FLNA: variants seen among roughly 807,000 people sequenced by gnomAD.
FLNA encodes the protein filamin A, also known as filamin-A.
In FLNA, 7 loss-of-function variants were observed where a neutral mutation model predicts 157.6. The observed-to-expected ratio is 0.04, with a 90% CI of 0.03 to 0.08. The LOEUF is 0.08. FLNA is among the 10% of genes least tolerant of loss of function. The pLI, the probability that FLNA is intolerant of heterozygous loss-of-function variation, is 1.00. For missense variants in FLNA, 1,750 were observed against 2,398.4 expected (o/e 0.73, Z 5.65); for synonymous variants, 1,103 against 1,060.8 (o/e 1.04, Z -0.77).
At chrX:154,360,756 A>G (rs781831457) in intron 21 of FLNA, among the ~76,000 whole-genome samples, 169 bp from the exon 22 acceptor site, 14 of 112,052 alleles carry the variant, frequency 1.2e-4, no homozygotes, top group South Asian at 3.7e-4. Flanking sequence ...TCATAAGGAC[A>G]AAAAGGAGGG....
In FLNA at chrX:154,350,141, C is replaced by A. The variant is rs1299563181; in HGVS notation, c.7223G>T (p.Gly2408Val). 2.5e-6 allele frequency: 3 copies of A among 1,209,918 alleles called. No individual in the cohort carries two copies. Among genetic ancestry groups the A allele is most frequent in the Non-Finnish European group, 2.2e-6 (2 of 894,557 alleles). ...GVYLIDVKFN[G>V]THIPGSPFKI... ...GAAGGGGCTTCCAGGGATGTGGGTG[C>A]CGTTGAACTTGACGTCAATCAGGTA... The change falls in exon 45 of 48, where the codon GGC becomes GTC. Residue 2408 changes from glycine (G) to valine (V), a missense_variant. Around this residue, in one of 5 missense-constraint regions of FLNA, gnomAD observed 970 missense variants for 1,302.6 expected, o/e 0.74. Coordinates refer to ENST00000369850, the MANE Select transcript of FLNA (RefSeq NM_001110556.2).
At chrX:154,362,886 TG>T (rs1407268148) in intron 15 of FLNA, 102 bp from the exon 16 acceptor site, 1 of 959,998 alleles carries the variant, frequency 1.0e-6, no homozygotes, top group Non-Finnish European at 1.4e-6. Flanking sequence ...CCAGCTGCCT[TG>T]GGAAGAGTCT....
At chrX:154,360,822 G>A (rs1300451624) in intron 21 of FLNA, among the ~76,000 whole-genome samples, 2 of 110,181 alleles carry the variant, frequency 1.8e-5, no homozygotes, top group Non-Finnish European at 3.8e-5. Context: ...CAAGGTGGGT[G>A]GATCACCTGA....
rs782454177 is a variant in FLNA at position 154,362,673 on chromosome X, C to T, written c.2392G>A (p.Glu798Lys). The part of the protein sequence containing the change: ...EPTYFTVDCA[E>K]AGQGDVSIGI... ...AGCCAGGCCTTACCCTGGCCAGCCT[C>T]GGCGCAGTCCACAGTGAAGTAGGTG... is the stretch of plus-strand genomic sequence containing the variant. The change falls in exon 16 of 48, where the codon GAG (glutamate) becomes AAG (lysine). Residue 798 changes from glutamate (E) to lysine (K), a missense_variant. Physicochemically the swap from Glu to Lys is moderately conservative, Grantham distance 56. Around this residue, in one of 5 missense-constraint regions of FLNA, gnomAD observed 648 missense variants for 805.8 expected, o/e 0.80. Coordinates refer to ENST00000369850, the MANE Select transcript of FLNA (RefSeq NM_001110556.2). 5.8e-6 allele frequency: 7 copies of T among 1,209,588 alleles called. No homozygotes were observed. Among genetic ancestry groups the T allele is most frequent in the African/African-American group, 3.5e-5 (2 of 57,335 alleles).
At chrX:154,373,219 A>G (rs919832860) in intron 1 of FLNA, among the ~76,000 whole-genome samples, 15 of 111,938 alleles carry the variant, frequency 1.3e-4, no homozygotes, top group Non-Finnish European at 2.5e-4. Flanking sequence ...GTTCCCAGGC[A>G]CGGAATTCCA....
Position 154,361,330 on chromosome X carries a change from A to G in FLNA, c.3185T>C (p.Val1062Ala), listed in dbSNP as rs782517296. 4 of 1,210,204 alleles carry G rather than the reference A, an allele frequency of 3.3e-6. No homozygotes were observed. Among genetic ancestry groups the G allele is most frequent in the Non-Finnish European group, 4.5e-6 (4 of 895,264 alleles). Residue 1062 changes from valine to alanine, a missense_variant, in exon 21 of 48, where the codon GTG (valine) becomes GCG (alanine). Physicochemically the swap from Val to Ala is moderately conservative, Grantham distance 64. This residue lies in a region of FLNA where 648 missense variants were observed against 805.8 expected (regional missense o/e 0.80). Transcript: ENST00000369850. Reference sequence around the variant, plus strand: ...TACCTTGCTAGGCTTGGTGGGGGCCACAGCTTCCAGAGGAAAGGGGCTGCC... The same window carrying G: ...TACCTTGCTAGGCTTGGTGGGGGCCGCAGCTTCCAGAGGAAAGGGGCTGCC... ...VPGSPFPLEA[V>A]APTKPSKVKA...
chrX:154,361,957 C>G (rs1557178124), intron 19 of FLNA, 22 bp downstream of exon 19: 2 of 1,208,045 alleles, frequency 1.7e-6, no homozygotes, highest in Non-Finnish European at 2.2e-6. Flanking sequence ...GACTCGGTGA[C>G]TGTAGTGGAG....
At chrX:154,373,708 G>C (rs1339509441) in intron 1 of FLNA, among the ~76,000 whole-genome samples, 1 of 112,977 alleles carries the variant, frequency 8.9e-6, no homozygotes, top group East Asian at 2.8e-4. Flanking sequence ...GGGCGCAGGA[G>C]GGAAGGAAGC....
At chrX:154,358,161 A>AGGCCCCCCTGCCTCCCC (rs1256119799) in intron 28 of FLNA, 38 bp downstream of exon 28, 21 of 1,201,548 alleles carry the variant, frequency 1.7e-5, no homozygotes, top group Non-Finnish European at 2.4e-5. Context: ...CCAGCCGCCC[A>AGGCCCCCCTGCCTCCCC]GGCCCCCCTG....
intron 26 of FLNA, 199 bp from the exon 27 acceptor site, chrX:154,358,767 C>T: frequency 1.7e-6 from 1 of 595,437 alleles, no homozygotes; most frequent in African/African-American, 2.2e-5. Flanking sequence ...GCCTGCCTGC[C>T]TTCCTGCCAC....
At position 154,348,593 on chromosome X, in the gene FLNA, G is replaced by C. The variant is rs139999810; in HGVS notation, c.*256C>G. The C allele has an allele frequency of 1.7e-3, 645 of 376,302 alleles. 1 individual carries two copies. The highest frequency in any genetic ancestry group is 0.015 in the African/African-American group (574 of 37,734). 31.0% of individuals were successfully genotyped at this position (376,302 alleles called of 1,213,427 possible). A position where few individuals can be genotyped will look rare whatever the true frequency, so the allele number is the denominator to read the frequency against. On this transcript the variant is annotated 3_prime_UTR_variant, in exon 48 of 48. Transcript: ENST00000369850. ...GAGAACTAGTGGGTGGTTGTGTACA[G>C]GACCCCCATCCCTCACCCCTCCCAG...
chrX:154,360,270 A>G lies in FLNA; in HGVS notation c.3525T>C (p.Ala1175=). The G allele has an allele frequency of 8.3e-7, 1 of 1,211,786 alleles. No homozygotes were observed. The highest frequency in any genetic ancestry group is 1.1e-6 in the Non-Finnish European group (1 of 895,622). ...CCACTTGGAATTGGCCCACCTCCCC[A>G]GCGGTGGCCCGCTCCAGCCCGGGGC... is the stretch of plus-strand genomic sequence containing the variant. ...CSGPGLERAT[A]GEVGQFQVDC... is the part of the protein sequence containing the mutation. The change falls in exon 22 of 48, where the codon GCT becomes GCC. Residue 1175 remains alanine (A), a synonymous_variant. Transcript: ENST00000369850.
Position 154,364,950 on chromosome X carries a change from C to T in FLNA, c.1699G>A (p.Glu567Lys), listed in dbSNP as rs1160888270. Residue 567 changes from glutamate (E) to lysine (K), a missense_variant, in exon 12 of 48, where the codon GAA (glutamate) becomes AAA (lysine). This residue lies in a region of FLNA where 648 missense variants were observed against 805.8 expected (regional missense o/e 0.80). Coordinates refer to ENST00000369850, the MANE Select transcript of FLNA (RefSeq NM_001110556.2). ...GGQNIGRSPF[E>K]VKVGTECGNQ... The stretch of plus-strand genomic sequence containing the variant: ...CCACACTCGGTGCCCACCTTCACTT[C>T]GAAGGGACTGCAAATGCGAGAGCCA... 13 of 1,209,879 alleles carry T rather than the reference C, an allele frequency of 1.1e-5. No homozygotes were observed. Among genetic ancestry groups the T allele is most frequent in the Non-Finnish European group, 1.5e-5 (13 of 895,262 alleles).
intron 1 of FLNA, among the ~76,000 whole-genome samples, chrX:154,372,931 G>A (rs1031667733): frequency 8.9e-6 from 1 of 112,058 alleles, no homozygotes. Flanking sequence ...CATTCACTTC[G>A]GGGCAGCCTG....
chrX:154,367,355 A>G (rs920644187), intron 5 of FLNA, 42 bp downstream of exon 5: 7 of 1,197,365 alleles, frequency 5.8e-6, no homozygotes, highest in Non-Finnish European at 7.9e-6. Context: ...CTTATGGGGA[A>G]GACGTTGGCA....
chrX:154,361,552 T>G lies in FLNA; in HGVS notation c.2963A>C (p.Asp988Ala). 1 of 1,211,567 alleles carries G rather than the reference T, an allele frequency of 8.3e-7. No homozygotes were observed. The highest frequency in any genetic ancestry group is 1.1e-6 in the Non-Finnish European group (1 of 895,457). Residue 988 changes from aspartate to alanine, a missense_variant, in exon 21 of 48, where the codon GAC becomes GCC. Physicochemically the swap from Asp to Ala is moderately radical, Grantham distance 126. Coordinates refer to ENST00000369850, the MANE Select transcript of FLNA (RefSeq NM_001110556.2). ...CTTTGATTTGACTGTGAACTCCTGG[T>G]CTTTGCCAACGTCCACCTCTGTGGA... ...GLGEKVDVGK[D>A]QEFTVKSKGA...
intron 4 of FLNA, 26 bp downstream of exon 4, chrX:154,367,615 G>A: frequency 8.3e-7 from 1 of 1,210,670 alleles, no homozygotes; most frequent in Non-Finnish European, 1.1e-6. Flanking sequence ...GTCCCCTACA[G>A]CTGTAGCCAG....
At chrX:154,363,661 C>T (rs1201167298) in intron 15 of FLNA, among the ~76,000 whole-genome samples, 5 of 108,820 alleles carry the variant, frequency 4.6e-5, no homozygotes, top group Non-Finnish European at 9.6e-5. Flanking sequence ...TGCAGTGAGC[C>T]GAGATCGCGC....
At position 154,366,345 on chromosome X, in the gene FLNA, G is replaced by A. The variant is rs200048692; in HGVS notation, c.1191C>T (p.Ile397=). 808 of 1,211,148 alleles carry A rather than the reference G, an allele frequency of 6.7e-4. 1 individual carries two copies. Among genetic ancestry groups the A allele is most frequent in the Admixed American group, 1.0e-3 (46 of 46,030 alleles). ...TCTCAAAGTAGGTGGTCTTGTTGGC[G>A]ATGTTGCCACTGGGCTCCAGGCCGG... ...QGPGLEPSGN[I]ANKTTYFEIF... The change falls in exon 8 of 48, where the codon ATC becomes ATT. Residue 397 remains isoleucine (I), a synonymous_variant. Coordinates refer to ENST00000369850, the MANE Select transcript of FLNA (RefSeq NM_001110556.2).
Sources: allele counts gnomAD v4.1 joint callset (sites outside exome capture counted in the v4.1 genomes callset), GRCh38; gene constraint gnomAD v4.1.1; regional missense constraint gnomAD v4.1.1; transcripts MANE v1.5; gene names NCBI Gene and HGNC (gene_info 2026-07-23, HGNC 2026-07-21).